THSD7A: variants seen among roughly 807,000 people sequenced by gnomAD.
THSD7A encodes thrombospondin type 1 domain containing 7A.
Under a neutral mutation model 231.3 loss-of-function variants are expected in THSD7A, and 96 were observed. The observed-to-expected ratio is 0.41, with a 90% CI of 0.35 to 0.49. The LOEUF is 0.49. THSD7A is among the 20% of genes least tolerant of loss of function. The probability of loss-of-function intolerance (pLI) is 0.05; values close to 1 mark genes in which losing one functional copy is unlikely to be tolerated. For missense variants in THSD7A, 2,290 were observed against 2,070.2 expected (o/e 1.11, Z -2.06); for synonymous variants, 940 against 743.3 (o/e 1.26, Z -4.30).
Position 11,543,368 on chromosome 7 carries a change from G to A in THSD7A, c.1454-251C>T, listed in dbSNP as rs1234484858. Among the ~76,000 whole-genome samples, 6 of 152,134 alleles carry A rather than the reference G, an allele frequency of 3.9e-5. No homozygotes were observed. The East Asian group carries it at 1.2e-3, about 29-fold the overall frequency. ...TTGATTACCAGTTTTACCATTAATT[G>A]GTCATGCAATTAATAATGCTGAATA... On this transcript the variant is annotated intron_variant, in intron 4 of 27. Transcript: ENST00000423059.
intron 1 of THSD7A, among the ~76,000 whole-genome samples, chr7:11,739,872 A>C (rs1782048595): frequency 6.6e-6 from 1 of 152,000 alleles, no homozygotes; most frequent in Non-Finnish European, 1.5e-5. Flanking sequence ...GGATGCAGGA[A>C]TAAGGGAAAA....
At chr7:11,482,639 A>T (rs138992368) in intron 6 of THSD7A, among the ~76,000 whole-genome samples, 1 of 152,296 alleles carries the variant, frequency 6.6e-6, no homozygotes, top group Non-Finnish European at 1.5e-5. Flanking sequence ...ATGTCACTCC[A>T]GTGCTTAATA....
In THSD7A at chr7:11,429,068, C is replaced by G; in HGVS notation, c.3122G>C (p.Trp1041Ser). The change falls in exon 14 of 28, where the codon TGG becomes TCG. Residue 1041 changes from tryptophan to serine, a missense_variant. Trp to Ser is a radical substitution (Grantham distance 177). Transcript: ENST00000423059. ...PCPSDCKLSE[W>S]SNWSRCSKSC... ...CTTGCTGCAGCGCGACCAGTTGGAC[C>G]ACTCACTGAGCTTGCAGTCTGAGGG... 6.2e-7 allele frequency: 1 copy of G among 1,612,658 alleles called. No individual in the cohort carries two copies. Among genetic ancestry groups the G allele is most frequent in the Non-Finnish European group, 8.5e-7 (1 of 1,179,354 alleles).
chr7:11,716,513 C>A lies in THSD7A; in HGVS notation c.191-79552G>T, dbSNP rs139975844. On this transcript the variant is annotated intron_variant, in intron 1 of 27. Coordinates refer to ENST00000423059, the MANE Select transcript of THSD7A (RefSeq NM_015204.3). ...CTGCTTCCCTACTTTATTGTTCCTA[C>A]TTTATTGTTCTTGGTTCTAGGCTTT... Among the ~76,000 whole-genome samples, 25 of 151,776 alleles carry A rather than the reference C, an allele frequency of 1.6e-4. No individual in the cohort carries two copies. In the East Asian group the frequency reaches 4.7e-3, roughly 29 times the overall value.
At chr7:11,561,128 G>A (rs1034739) in intron 4 of THSD7A, among the ~76,000 whole-genome samples, 33,359 of 151,964 alleles carry the variant, frequency 0.22, 4,189 homozygotes, top group Admixed American at 0.4. Flanking sequence ...AGTCTTCAGT[G>A]TGTATGTACC....
intron 1 of THSD7A, among the ~76,000 whole-genome samples, chr7:11,700,576 A>G (rs978003313): frequency 6.6e-6 from 1 of 151,294 alleles, no homozygotes; most frequent in Admixed American, 6.6e-5. Context: ...AAAATTATGG[A>G]TAAAATTGTA....
chr7:11,617,185 T>C (rs897209280), intron 2 of THSD7A, among the ~76,000 whole-genome samples: 2 of 152,186 alleles, frequency 1.3e-5, no homozygotes, highest in African/African-American at 4.8e-5. Context: ...ACCGGAACTA[T>C]TATATAAGCT....
At chr7:11,548,675 C>T (rs1407821735) in intron 4 of THSD7A, among the ~76,000 whole-genome samples, 2 of 152,112 alleles carry the variant, frequency 1.3e-5, no homozygotes, top group Non-Finnish European at 2.9e-5. Flanking sequence ...ATCAAGTTGG[C>T]TTTATTCCTG....
chr7:11,384,311 A>ATATT (rs1437239483), intron 23 of THSD7A: 5 of 151,788 alleles, frequency 3.3e-5, no homozygotes, highest in African/African-American at 1.2e-4. Context: ...CTTCATAAGT[A>ATATT]TATTTTTCAA....
intron 1 of THSD7A, among the ~76,000 whole-genome samples, chr7:11,786,141 T>A (rs905143486): frequency 6.7e-6 from 1 of 148,514 alleles, no homozygotes; most frequent in Non-Finnish European, 1.5e-5. Flanking sequence ...CAGTCTCTAA[T>A]AGTTTGGTTA....
chr7:11,487,263 T>C (rs1786696846), intron 6 of THSD7A, among the ~76,000 whole-genome samples: 3 of 152,134 alleles, frequency 2.0e-5, no homozygotes, highest in Non-Finnish European at 4.4e-5. Flanking sequence ...CTGCTCAAGA[T>C]AATTACTATA....
At chr7:11,771,961 C>A (rs142674434) in intron 1 of THSD7A, among the ~76,000 whole-genome samples, 5 of 152,116 alleles carry the variant, frequency 3.3e-5, no homozygotes, top group African/African-American at 1.2e-4. Context: ...TTTCACCTTC[C>A]GCCATGGTTG....
intron 22 of THSD7A, among the ~76,000 whole-genome samples, chr7:11,403,510 G>A (rs1057077728): frequency 3.9e-5 from 6 of 152,110 alleles, no homozygotes; most frequent in African/African-American, 1.2e-4. Context: ...TCACTTTGGA[G>A]TTACTCAGTT....
At chr7:11,507,916 A>G (rs1787621539) in intron 6 of THSD7A, among the ~76,000 whole-genome samples, 1 of 152,214 alleles carries the variant, frequency 6.6e-6, no homozygotes, top group African/African-American at 2.4e-5. Flanking sequence ...TGGCTAATTT[A>G]CAAAGGAAAG....
At chr7:11,724,139 T>G (rs931012283) in intron 1 of THSD7A, among the ~76,000 whole-genome samples, 1 of 151,944 alleles carries the variant, frequency 6.6e-6, no homozygotes, top group African/African-American at 2.4e-5. Flanking sequence ...ATATGTGGGA[T>G]ATTGGAGTAA....
intron 1 of THSD7A, among the ~76,000 whole-genome samples, chr7:11,648,588 C>T (rs1027903021): frequency 2.0e-5 from 3 of 151,072 alleles, no homozygotes; most frequent in African/African-American, 7.3e-5. Context: ...TAGTGTCCAA[C>T]ATGCAATATC....
At chr7:11,629,198 T>G (rs983779556) in intron 2 of THSD7A, among the ~76,000 whole-genome samples, 1 of 152,188 alleles carries the variant, frequency 6.6e-6, no homozygotes, top group Non-Finnish European at 1.5e-5. Context: ...ATGAATACAC[T>G]GCTCAGAGGT....
At chr7:11,496,727 C>T (rs1000203754) in intron 6 of THSD7A, among the ~76,000 whole-genome samples, 7 of 152,088 alleles carry the variant, frequency 4.6e-5, no homozygotes, top group Non-Finnish European at 8.8e-5. Context: ...AGTAAGGAAA[C>T]TATACAGATG....
chr7:11,399,084 G>A lies in THSD7A; in HGVS notation c.4411+2711C>T, dbSNP rs537294696. 5.3e-5 allele frequency among the ~76,000 whole-genome samples: 8 copies of A among 152,274 alleles called. No homozygotes were observed. The East Asian group carries it at 1.5e-3, about 29-fold the overall frequency. On this transcript the variant is annotated intron_variant, in intron 23 of 27. Coordinates refer to ENST00000423059, the MANE Select transcript of THSD7A (RefSeq NM_015204.3). Reference sequence around the variant, plus strand: ...AAGGGTTTTGTGGCTATCATAACTGGTATTTTTCCCACCAGCCTGATCAAA... The same window carrying A: ...AAGGGTTTTGTGGCTATCATAACTGATATTTTTCCCACCAGCCTGATCAAA...
Sources: gnomAD v4.1 joint callset for allele counts (sites outside exome capture counted in the v4.1 genomes callset) on GRCh38, gnomAD v4.1.1 for gene constraint, MANE v1.5 for transcripts, NCBI Gene and HGNC (gene_info 2026-07-23, HGNC 2026-07-21) for gene names.